FADS3: variants seen among roughly 807,000 people sequenced by gnomAD.
FADS3 encodes fatty acid desaturase 3.
A neutral mutation model predicts 60.4 loss-of-function variants in FADS3; 30 were observed. The ratio of observed to expected loss-of-function variants is 0.50; its 90% CI spans 0.37 to 0.67. The LOEUF is 0.67. FADS3 is among the 30% of genes least tolerant of loss of function. FADS3 has a pLI of 0.00. For missense variants in FADS3, 432 were observed against 598.3 expected (o/e 0.72, Z 2.90); for synonymous variants, 234 against 249.3 (o/e 0.94, Z 0.58).
intron 1 of FADS3, among the ~76,000 whole-genome samples, chr11:61,887,513 G>A (rs572831621): frequency 4.6e-5 from 7 of 152,210 alleles, no homozygotes; most frequent in African/African-American, 1.4e-4. Flanking sequence ...AAGTCCTTCC[G>A]AGGACACAAA....
intron 1 of FADS3, chr11:61,881,836 TG>T (rs1233323819): frequency 6.6e-6 from 1 of 152,230 alleles, no homozygotes. Context: ...ACTGGGGGGC[TG>T]GTAGGGTGCC....
At chr11:61,882,984 C>T (rs1223246670) in intron 1 of FADS3, among the ~76,000 whole-genome samples, 1 of 152,226 alleles carries the variant, frequency 6.6e-6, no homozygotes, top group East Asian at 1.9e-4. Flanking sequence ...CCCGCCTTGG[C>T]CTCCCAAAGT....
chr11:61,875,201 A>C (rs1003160889), intron 11 of FADS3, among the ~76,000 whole-genome samples: 2 of 152,020 alleles, frequency 1.3e-5, no homozygotes, highest in Non-Finnish European at 2.9e-5. Context: ...TGGCTGCCTG[A>C]GACATGGTTT....
intron 5 of FADS3, 40 bp downstream of exon 5, chr11:61,878,472 C>T (rs1424002187): frequency 1.9e-6 from 3 of 1,602,566 alleles, no homozygotes; most frequent in Admixed American, 1.7e-5. Context: ...CCCTCAGCTG[C>T]AGGCCCAGCC....
chr11:61,878,118 G>A (rs1404614114), intron 6 of FADS3, 37 bp downstream of exon 6: 7 of 1,591,608 alleles, frequency 4.4e-6, no homozygotes, highest in South Asian at 3.3e-5. Context: ...GCAGGCCCAG[G>A]CACTCCCCCA....
At chr11:61,888,957 G>A (rs376188377) in intron 1 of FADS3, among the ~76,000 whole-genome samples, 7 of 152,170 alleles carry the variant, frequency 4.6e-5, no homozygotes, top group South Asian at 2.1e-4. Context: ...GTGCAATGGC[G>A]CGATCTCGGC....
In FADS3 at chr11:61,877,370, A is replaced by G. The variant is rs540797456; in HGVS notation, c.885+141T>C. ...TGCTGCGCGCACACATGTGAGCCACACTGTTGCACGCATACATGTGAGCCA... is the reference window on the plus strand; with the variant it reads ...TGCTGCGCGCACACATGTGAGCCACGCTGTTGCACGCATACATGTGAGCCA... On this transcript the variant is annotated intron_variant, in intron 7 of 11. Coordinates refer to ENST00000278829, the MANE Select transcript of FADS3 (RefSeq NM_021727.5). This position sits in a 1 kb window ranked among gnomAD's most constrained non-coding sequence, Gnocchi z 4.7. The G allele has an allele frequency of 3.8e-5, 25 of 659,482 alleles. 1 individual carries two copies. Among genetic ancestry groups the G allele is most frequent in the Non-Finnish European group, 1.3e-5 (5 of 389,016 alleles). 40.9% of individuals were successfully genotyped at this position (659,482 alleles called of 1,614,324 possible). A position where few individuals can be genotyped will look rare whatever the true frequency, so the allele number is the denominator to read the frequency against.
intron 2 of FADS3, 101 bp downstream of exon 2, chr11:61,879,940 G>A (rs1938065586): frequency 7.4e-6 from 7 of 944,760 alleles, no homozygotes; most frequent in South Asian, 1.6e-5. Flanking sequence ...CCCCTTGGGC[G>A]AATGCCGAGG....
intron 1 of FADS3, among the ~76,000 whole-genome samples, chr11:61,883,527 C>T (rs571414138): frequency 2.3e-4 from 35 of 152,328 alleles, no homozygotes; most frequent in African/African-American, 7.0e-4. Context: ...CCCACAATCA[C>T]GGCCCACATG....
At chr11:61,878,296 G>T in intron 5 of FADS3, 81 bp from the exon 6 acceptor site, 1 of 1,500,346 alleles carries the variant, frequency 6.7e-7, no homozygotes, top group Non-Finnish European at 9.3e-7. Flanking sequence ...GGCTGGCTGG[G>T]GCCAAGGGTC....
At chr11:61,889,189 G>A (rs1031680682) in intron 1 of FADS3, among the ~76,000 whole-genome samples, 2 of 152,056 alleles carry the variant, frequency 1.3e-5, no homozygotes, top group African/African-American at 2.4e-5. Flanking sequence ...GAGCCACAGC[G>A]CTCGGCCTGA....
chr11:61,882,691 G>A (rs1938179560), intron 1 of FADS3, among the ~76,000 whole-genome samples: 1 of 152,186 alleles, frequency 6.6e-6, no homozygotes, highest in Non-Finnish European at 1.5e-5. Flanking sequence ...AAAGTGTTGA[G>A]AGTACAGGTG....
At chr11:61,874,166 G>A (rs1273716135) in intron 11 of FADS3, among the ~76,000 whole-genome samples, 2 of 152,242 alleles carry the variant, frequency 1.3e-5, no homozygotes, top group African/African-American at 4.8e-5. Flanking sequence ...GTTCTCCATT[G>A]CTGCCTCCTG....
In FADS3 at chr11:61,875,919, C is replaced by T. The variant is rs775574829; in HGVS notation, c.1218G>A (p.Ser406=). The T allele has an allele frequency of 5.0e-6, 8 of 1,613,844 alleles. No individual in the cohort carries two copies. The highest frequency in any genetic ancestry group is 4.5e-5 in the East Asian group (2 of 44,886). ...AGCTGAGGCCGTGCTTGGCACACAG[C>T]GACTTGACCAGCGGGGCCACCCGGC... The part of the protein sequence containing the change: ...NYSRVAPLVK[S]LCAKHGLSYE... The change falls in exon 11 of 12, where the codon TCG becomes TCA. Residue 406 remains serine (S), a synonymous_variant. Transcript: ENST00000278829.
At chr11:61,878,119 C>A in intron 6 of FADS3, 36 bp downstream of exon 6, 2 of 1,597,000 alleles carry the variant, frequency 1.3e-6, no homozygotes, top group South Asian at 2.2e-5. Context: ...CAGGCCCAGG[C>A]ACTCCCCCAC....
At position 61,873,885 on chromosome 11, in the gene FADS3, G is replaced by C. The variant is rs1237211734; in HGVS notation, c.1287-20C>G. On this transcript the variant is annotated intron_variant, in intron 11 of 11. Coordinates refer to ENST00000278829, the MANE Select transcript of FADS3 (RefSeq NM_021727.5). ...AGGGACCTGGGAGGTGGGGGTGGCA[G>C]TGGGGGTGGGTGTTAGGAGCTCAGT... is the stretch of plus-strand genomic sequence containing the variant. 6.4e-7 allele frequency: 1 copy of C among 1,551,966 alleles called. No individual in the cohort carries two copies. The highest frequency in any genetic ancestry group is 1.1e-5 in the South Asian group (1 of 87,568).
chr11:61,877,740 G>A lies in FADS3; in HGVS notation c.809-153C>T. ...ATGACCCCATATCACCCCCAATTCT[G>A]TGTCCAAGCCTCCCCAGGCTGCCCT... is the stretch of plus-strand genomic sequence containing the variant. On this transcript the variant is annotated intron_variant, in intron 6 of 11. Coordinates refer to ENST00000278829, the MANE Select transcript of FADS3 (RefSeq NM_021727.5). This position sits in a 1 kb window ranked among gnomAD's most constrained non-coding sequence, Gnocchi z 4.7. The A allele has an allele frequency of 2.9e-6, 2 of 700,764 alleles. No homozygotes were observed. The highest frequency in any genetic ancestry group is 4.9e-6 in the Non-Finnish European group (2 of 408,858). The allele number at this position is 700,764 out of a possible 1,614,324, so 43.4% of individuals were successfully genotyped here.
chr11:61,877,178 T>A lies in FADS3; in HGVS notation c.886-215A>T, dbSNP rs980056565. The A allele has an allele frequency of 1.8e-6, 1 of 550,854 alleles. No individual in the cohort carries two copies. Among genetic ancestry groups the A allele is most frequent in the East Asian group, 3.1e-5 (1 of 32,248 alleles). 34.1% of individuals were successfully genotyped at this position (550,854 alleles called of 1,614,324 possible). A position where few individuals can be genotyped will look rare whatever the true frequency, so the allele number is the denominator to read the frequency against. On this transcript the variant is annotated intron_variant, in intron 7 of 11. Transcript: ENST00000278829. The surrounding 1 kb of genome is among the most constrained non-coding windows in gnomAD (Gnocchi z 4.7). Reference sequence around the variant, plus strand: ...ACGAGGCTGATTTTAGTGACGAAGGTGTCATGCAGGGTGTGTTGGGGAAGA... The same window carrying A: ...ACGAGGCTGATTTTAGTGACGAAGGAGTCATGCAGGGTGTGTTGGGGAAGA...
intron 1 of FADS3, among the ~76,000 whole-genome samples, chr11:61,890,020 C>T (rs1938443736): frequency 6.6e-6 from 1 of 152,230 alleles, no homozygotes; most frequent in Non-Finnish European, 1.5e-5. Flanking sequence ...CATGCAAACA[C>T]CTGCACGCTC....
Sources: allele counts gnomAD v4.1 joint callset (sites outside exome capture counted in the v4.1 genomes callset), GRCh38; gene constraint gnomAD v4.1.1; non-coding constraint Gnocchi (gnomAD v3.1); transcripts MANE v1.5; gene names NCBI Gene and HGNC (gene_info 2026-07-23, HGNC 2026-07-21).